Variants in AHRR observed in about 807,000 individuals in gnomAD.
The protein encoded by AHRR is ahR repressor.
A neutral mutation model predicts 44.0 loss-of-function variants in AHRR; 28 were observed. That is an observed-to-expected ratio of 0.64 (90% CI 0.47 to 0.87). The LOEUF (loss-of-function observed/expected upper bound fraction) is 0.87, where lower values mean the gene tolerates loss of function less well. Among genes scored for constraint, AHRR ranks in the 40% least tolerant of loss-of-function variants. The pLI is 0.00. For synonymous variants in AHRR, 434 were observed against 407.0 expected (o/e 1.07, Z -0.80); for missense variants, 990 against 953.9 (o/e 1.04, Z -0.50).
At chr5:418,741 T>G (rs796166246) in intron 5 of AHRR, 4 of 152,248 alleles carry the variant, frequency 2.6e-5, no homozygotes, top group African/African-American at 9.7e-5. Flanking sequence ...GGCGGCAGAC[T>G]CCATGCTGAA....
chr5:385,999 C>T (rs1367536678), intron 4 of AHRR, among the ~76,000 whole-genome samples: 1 of 152,192 alleles, frequency 6.6e-6, no homozygotes, highest in East Asian at 1.9e-4. Context: ...CTATTAAACT[C>T]ATCCAATGAA....
chr5:377,969 T>G (rs1733811550), intron 4 of AHRR, among the ~76,000 whole-genome samples: 1 of 152,188 alleles, frequency 6.6e-6, no homozygotes, highest in Non-Finnish European at 1.5e-5. Flanking sequence ...AGAGTGCTGG[T>G]CACACCCACT....
intron 3 of AHRR, among the ~76,000 whole-genome samples, chr5:363,743 G>T (rs966314039): frequency 6.6e-6 from 1 of 152,240 alleles, no homozygotes; most frequent in African/African-American, 2.4e-5. Flanking sequence ...TTGGAATGAA[G>T]TAAGGAGAAA....
At chr5:424,290 G>A (rs1421537215) in intron 7 of AHRR, among the ~76,000 whole-genome samples, 81 of 149,400 alleles carry the variant, frequency 5.4e-4, no homozygotes, top group Admixed American at 1.5e-3. Context: ...TGATGGTGTG[G>A]GGGCTTTAAC....
rs758069702 is a variant in AHRR at position 434,630 on chromosome 5, TC to T, written c.1894del (p.His632ThrfsTer134). 2 of 1,562,194 alleles carry T rather than the reference TC, an allele frequency of 1.3e-6. No individual in the cohort carries two copies. The highest frequency in any genetic ancestry group is 3.4e-4 in the Middle Eastern group (2 of 5,880). ...PTDGLPQSEPPHQLCARGRGE... is the reference protein window; with the variant it reads ...PTDGLPQSEPXHQLCARGRGE... The stretch of plus-strand genomic sequence containing the variant: ...CAGACGGCCTTCCCCAGTCGGAGCC[TC>T]CCCACCAGCTCTGTGCACGGGGCCG... On this transcript the variant is annotated frameshift_variant, in exon 11 of 11. Transcript: ENST00000684583.
chr5:434,433 A>T lies in AHRR; in HGVS notation c.1693A>T (p.Thr565Ser). ...LGASDRSHPA[T>S]FPTRMHLKTE... ...GGCCAGTGACAGGAGCCACCCAGCC[A>T]CCTTCCCTACCAGGATGCACCTGAA... Residue 565 changes from threonine (T) to serine (S), a missense_variant, in exon 11 of 11, where the codon ACC becomes TCC. By Grantham distance (58) the Thr-to-Ser change is moderately conservative. Transcript: ENST00000684583. 6.2e-7 allele frequency: 1 copy of T among 1,613,234 alleles called. No individual in the cohort carries two copies. Among genetic ancestry groups the T allele is most frequent in the Non-Finnish European group, 8.5e-7 (1 of 1,179,936 alleles).
intron 5 of AHRR, chr5:422,527 G>C (rs185002818): frequency 3.1e-6 from 2 of 639,838 alleles, no homozygotes; most frequent in African/African-American, 3.7e-5. Context: ...ACGGGTGGGC[G>C]GGTGCTCCAG....
At chr5:329,454 C>T (rs1283655739) in intron 1 of AHRR, among the ~76,000 whole-genome samples, 1 of 152,186 alleles carries the variant, frequency 6.6e-6, no homozygotes, top group Non-Finnish European at 1.5e-5. Context: ...AGTCTTCTTG[C>T]TTTGGCCTCC....
intron 1 of AHRR, among the ~76,000 whole-genome samples, chr5:325,553 G>A (rs1451775458): frequency 6.6e-6 from 1 of 152,126 alleles, no homozygotes; most frequent in Non-Finnish European, 1.5e-5. Context: ...CCAGACACGT[G>A]ACCATGATGG....
At chr5:344,117 CAGG>C in intron 2 of AHRR, 153 bp downstream of exon 2, 2 of 724,562 alleles carry the variant, frequency 2.8e-6, no homozygotes, top group Non-Finnish European at 4.3e-6. Flanking sequence ...GCGGGCGGCG[CAGG>C]AGTCGTCTCC....
chr5:397,705 C>CCCTGACCGTCCACGTAGCT (rs1486794363), intron 4 of AHRR, among the ~76,000 whole-genome samples: 1 of 138,016 alleles, frequency 7.2e-6, no homozygotes, highest in Non-Finnish European at 1.5e-5. Flanking sequence ...TCCACGTAGC[C>CCCTGACCGTCCACGTAGCT]CCTGACCGTC....
At chr5:393,297 A>C (rs753186954) in intron 4 of AHRR, among the ~76,000 whole-genome samples, 4 of 152,216 alleles carry the variant, frequency 2.6e-5, no homozygotes, top group Non-Finnish European at 5.9e-5. Context: ...CCGATGTCAC[A>C]GATTCTTGTC....
At chr5:433,738 C>T in intron 10 of AHRR, 115 bp from the exon 11 acceptor site, 3 of 1,245,254 alleles carry the variant, frequency 2.4e-6, no homozygotes, top group Non-Finnish European at 3.2e-6. Flanking sequence ...GTGTAGCAGC[C>T]TTGGCAGATT....
intron 1 of AHRR, among the ~76,000 whole-genome samples, chr5:330,161 G>A (rs928015452): frequency 1.3e-5 from 2 of 151,984 alleles, no homozygotes; most frequent in African/African-American, 4.8e-5. Context: ...GTTTTTTGAG[G>A]ATTTTTATCA....
chr5:372,976 C>T (rs1743629004), intron 3 of AHRR, among the ~76,000 whole-genome samples: 1 of 152,246 alleles, frequency 6.6e-6, no homozygotes, highest in African/African-American at 2.4e-5. Flanking sequence ...CACTCTGCTC[C>T]AGCCCTTGCT....
At chr5:327,083 A>G (rs1177208232) in intron 1 of AHRR, among the ~76,000 whole-genome samples, 2 of 152,160 alleles carry the variant, frequency 1.3e-5, no homozygotes, top group Non-Finnish European at 2.9e-5. Flanking sequence ...CAGCAACAAG[A>G]AGCCATCCTA....
rs367921340 is a variant in AHRR, at chr5:376,644, C to A, written c.279C>A (p.Ala93=). The change falls in exon 4 of 11, where the codon GCC becomes GCA. Residue 93 remains alanine (A), a synonymous_variant. Transcript: ENST00000684583. ...VQEQSSRQPA[A]GAPSPGDSCP... ...AGCAGAGCTCACGGCAGCCTGCGGC[C>A]GGCGCCCCCTCGCCCGGAGACAGCT... The A allele has an allele frequency of 1.7e-6, 2 of 1,144,702 alleles. No individual in the cohort carries two copies. Among genetic ancestry groups the A allele is most frequent in the Middle Eastern group, 2.3e-4 (1 of 4,262 alleles). 70.9% of individuals were successfully genotyped at this position (1,144,702 alleles called of 1,614,324 possible). A position where few individuals can be genotyped will look rare whatever the true frequency, so the allele number is the denominator to read the frequency against.
intron 7 of AHRR, 66 bp downstream of exon 7, chr5:424,043 G>A: frequency 6.5e-7 from 1 of 1,549,302 alleles, no homozygotes. Flanking sequence ...TGGTGTGGAA[G>A]GAAACAGAGG....
At chr5:394,863 C>G (rs949632413) in intron 4 of AHRR, among the ~76,000 whole-genome samples, 1 of 152,186 alleles carries the variant, frequency 6.6e-6, no homozygotes, top group Non-Finnish European at 1.5e-5. Context: ...GGAGGGAGCA[C>G]TTTTGCCCCG....
Sources: gnomAD v4.1 joint callset for allele counts (sites outside exome capture counted in the v4.1 genomes callset) on GRCh38, gnomAD v4.1.1 for gene constraint, MANE v1.5 for transcripts, NCBI Gene and HGNC (gene_info 2026-07-23, HGNC 2026-07-21) for gene names.